The following SORCS3 variants were observed in gnomAD, a reference collection of about 807,000 sequenced individuals.
SORCS3 encodes VPS10 domain-containing receptor SorCS3.
Under a neutral mutation model 146.3 loss-of-function variants are expected in SORCS3, and 57 were observed. The observed-to-expected ratio is 0.39, with a 90% CI of 0.31 to 0.49. The LOEUF (loss-of-function observed/expected upper bound fraction) is 0.49, where lower values mean the gene tolerates loss of function less well. SORCS3 is among the 20% of genes least tolerant of loss of function. The pLI is 0.92. For synonymous variants in SORCS3, 653 were observed against 618.5 expected, an observed-to-expected ratio of 1.06 and a Z score of -0.83; for missense variants, 1,341 against 1,575.5, an observed-to-expected ratio of 0.85 and a Z score of 2.52.
chr10:104,987,189 C>T (rs374263857), intron 4 of SORCS3, among the ~76,000 whole-genome samples: 2 of 147,398 alleles, frequency 1.4e-5, no homozygotes, highest in Admixed American at 6.8e-5. Flanking sequence ...AAGGACGGAA[C>T]GAAAGAAGGA....
At chr10:104,924,850 G>A (rs183832287) in intron 3 of SORCS3, among the ~76,000 whole-genome samples, 10 of 152,236 alleles carry the variant, frequency 6.6e-5, no homozygotes, top group Non-Finnish European at 1.5e-5. Context: ...TTTATGAATT[G>A]TTCTTAATAC....
At chr10:104,709,480 C>T (rs1197355401) in intron 1 of SORCS3, among the ~76,000 whole-genome samples, 1 of 152,138 alleles carries the variant, frequency 6.6e-6, no homozygotes, top group Non-Finnish European at 1.5e-5. Context: ...AATTTTTTTA[C>T]ATTGCTAATA....
chr10:105,216,944 A>G lies in SORCS3; in HGVS notation c.2556A>G (p.Leu852=). 1.2e-6 allele frequency: 2 copies of G among 1,614,136 alleles called. No individual in the cohort carries two copies. Among genetic ancestry groups the G allele is most frequent in the East Asian group, 4.5e-5 (2 of 44,874 alleles). The stretch of plus-strand genomic sequence containing the variant: ...GCTATGCCATCTTGCAGGGTGATCT[A>G]CAAAGGACAAACATCCAGCTTGACT... ...TFIILMEEGD[L]QRTNIQLDFG... The change falls in exon 19 of 27, where the codon CTA becomes CTG. Residue 852 remains leucine (L), a synonymous_variant. Coordinates refer to ENST00000369701, the MANE Select transcript of SORCS3 (RefSeq NM_014978.3).
chr10:104,689,381 CACATTCCACAATGTGTG>C (rs1463318005), intron 1 of SORCS3, among the ~76,000 whole-genome samples: 1 of 152,348 alleles, frequency 6.6e-6, no homozygotes, highest in East Asian at 1.9e-4. Flanking sequence ...TGTTGCCATC[CACATTCCACAATGTGTG>C]GACTTGTGGT....
At chr10:104,929,312 G>A (rs185185225) in intron 3 of SORCS3, among the ~76,000 whole-genome samples, 123 of 152,172 alleles carry the variant, frequency 8.1e-4, no homozygotes, top group Admixed American at 7.7e-3. Flanking sequence ...GCCTCTCTTC[G>A]GCTTTCCCCC....
At chr10:104,701,826 G>T (rs910788061) in intron 1 of SORCS3, among the ~76,000 whole-genome samples, 1 of 151,756 alleles carries the variant, frequency 6.6e-6, no homozygotes, top group African/African-American at 2.4e-5. Context: ...TTTCGGTATT[G>T]GGTAGAAAAA....
intron 1 of SORCS3, among the ~76,000 whole-genome samples, chr10:104,678,262 G>T (rs923041663): frequency 6.6e-6 from 1 of 152,068 alleles, no homozygotes; most frequent in Non-Finnish European, 1.5e-5. Flanking sequence ...GACTGGTTGG[G>T]TGAACTAGAC....
chr10:104,968,412 G>A (rs181544872), intron 3 of SORCS3, among the ~76,000 whole-genome samples: 6 of 152,260 alleles, frequency 3.9e-5, no homozygotes, highest in South Asian at 2.1e-4. Context: ...CACCGCGCCC[G>A]GCCTTGAGCA....
intron 23 of SORCS3, among the ~76,000 whole-genome samples, chr10:105,254,914 C>T (rs576438037): frequency 7.9e-5 from 12 of 152,104 alleles, no homozygotes; most frequent in East Asian, 1.9e-4. Context: ...TGCGGCCAGG[C>T]GCGGTGGCTC....
chr10:104,935,252 A>T lies in SORCS3; in HGVS notation c.795+19320A>T, dbSNP rs567139290. Among the ~76,000 whole-genome samples the T allele has an allele frequency of 2.0e-5, 3 of 152,288 alleles. No homozygotes were observed. The South Asian group carries it at 6.2e-4, about 32-fold the overall frequency. ...GACCTAGGTTATGAACTCAGATTTG[A>T]TTGACTCAGGATTTCAGGCTCTGAC... On this transcript the variant is annotated intron_variant, in intron 3 of 26. Transcript: ENST00000369701.
chr10:104,783,584 G>A (rs1049678918), intron 1 of SORCS3, among the ~76,000 whole-genome samples: 5 of 152,028 alleles, frequency 3.3e-5, no homozygotes, highest in Non-Finnish European at 2.9e-5. Context: ...AAAATTAGCC[G>A]GGCATGATGG....
chr10:105,202,126 A>G (rs1271075295), intron 16 of SORCS3, among the ~76,000 whole-genome samples: 2 of 152,112 alleles, frequency 1.3e-5, no homozygotes, highest in East Asian at 3.9e-4. Context: ...CACCCTTGTC[A>G]CTTAAAATTC....
chr10:104,924,496 G>A (rs1238087726), intron 3 of SORCS3, among the ~76,000 whole-genome samples: 1 of 152,200 alleles, frequency 6.6e-6, no homozygotes, highest in African/African-American at 2.4e-5. Flanking sequence ...AAGCCCAAAG[G>A]GTATTGCAGC....
At chr10:105,079,603 T>C (rs1321310291) in intron 5 of SORCS3, among the ~76,000 whole-genome samples, 2 of 152,164 alleles carry the variant, frequency 1.3e-5, no homozygotes, top group African/African-American at 4.8e-5. Flanking sequence ...CAGGGGTACA[T>C]GTGCAGGGTT....
chr10:105,255,555 A>C (rs1033983254), intron 23 of SORCS3, 147 bp from the exon 24 acceptor site: 1 of 611,598 alleles, frequency 1.6e-6, no homozygotes, highest in Non-Finnish European at 2.9e-6. Context: ...GGCTGTGAGA[A>C]CCAAATCGAT....
At chr10:105,179,838 G>A (rs891088922) in intron 14 of SORCS3, among the ~76,000 whole-genome samples, 2 of 152,220 alleles carry the variant, frequency 1.3e-5, no homozygotes, top group African/African-American at 4.8e-5. Context: ...TGTAGGAACT[G>A]TGAAGACAGG....
chr10:104,763,557 A>G (rs74155028), intron 1 of SORCS3, among the ~76,000 whole-genome samples: 2,829 of 152,268 alleles, frequency 0.019, 89 homozygotes, highest in African/African-American at 0.065. Flanking sequence ...GCTGGGAATA[A>G]TTTGTTATTA....
Position 105,105,569 on chromosome 10 carries a change from G to A in SORCS3, c.1212+54G>A, listed in dbSNP as rs2055815200. On this transcript the variant is annotated intron_variant, in intron 7 of 26. Transcript: ENST00000369701. ...GGAGGATGCATCGTTGAAGTTGGCT[G>A]CCTGCTAGGAAAAGGAGGGTGGCTT... 3 of 1,265,470 alleles carry A rather than the reference G, an allele frequency of 2.4e-6. No homozygotes were observed. In the Admixed American group the frequency reaches 5.1e-5, roughly 21 times the overall value. The allele number at this position is 1,265,470 out of a possible 1,614,324, so 78.4% of individuals were successfully genotyped here. A position where few individuals can be genotyped will look rare whatever the true frequency, so the allele number is the denominator to read the frequency against.
intron 4 of SORCS3, among the ~76,000 whole-genome samples, chr10:104,980,000 A>G (rs866599293): frequency 6.6e-6 from 1 of 152,184 alleles, no homozygotes; most frequent in Non-Finnish European, 1.5e-5. Context: ...ACCAAATGCA[A>G]TATGTCTCCT....
Sources: gnomAD v4.1 joint callset for allele counts (sites outside exome capture counted in the v4.1 genomes callset) on GRCh38, gnomAD v4.1.1 for gene constraint, MANE v1.5 for transcripts, NCBI Gene and HGNC (gene_info 2026-07-23, HGNC 2026-07-21) for gene names.